XRCC4: variants seen among roughly 807,000 people sequenced by gnomAD.
The protein encoded by XRCC4 is X-ray repair cross complementing 4.
Under a neutral mutation model 39.1 loss-of-function variants are expected in XRCC4, and 28 were observed. The ratio of observed to expected loss-of-function variants is 0.72; its 90% CI spans 0.53 to 0.98. XRCC4 has a LOEUF of 0.98. XRCC4 is among the 50% of genes least tolerant of loss of function. The pLI is 0.00. For missense variants in XRCC4, 350 were observed against 376.4 expected, an observed-to-expected ratio of 0.93 and a Z score of 0.58; for synonymous variants, 123 against 126.4, an observed-to-expected ratio of 0.97 and a Z score of 0.18.
the XRCC4 span, among the ~76,000 whole-genome samples, chr5:83,364,423 C>A: frequency 6.6e-6 from 1 of 151,962 alleles, no homozygotes; most frequent in Non-Finnish European, 1.5e-5. Context: ...AATAACTGAA[C>A]TTTATAAGAA....
At chr5:83,133,175 G>C (rs1198876345) in intron 3 of XRCC4, among the ~76,000 whole-genome samples, 1 of 151,750 alleles carries the variant, frequency 6.6e-6, no homozygotes, top group African/African-American at 2.4e-5. Flanking sequence ...GTTTGCCTGG[G>C]TATGACCATC....
chr5:83,320,382 T>A (rs1475517699), intron 7 of XRCC4, among the ~76,000 whole-genome samples: 5 of 141,046 alleles, frequency 3.5e-5, no homozygotes, highest in African/African-American at 5.3e-5. Context: ...AAAAAAATAA[T>A]AAAAAAATAA....
At chr5:83,136,710 T>G (rs1747914894) in intron 3 of XRCC4, among the ~76,000 whole-genome samples, 1 of 152,206 alleles carries the variant, frequency 6.6e-6, no homozygotes, top group African/African-American at 2.4e-5. Context: ...AAAAAAATTT[T>G]AAGATTGATT....
chr5:83,159,349 T>C lies in XRCC4; in HGVS notation c.316-36421T>C, dbSNP rs571168073. ...GGTTGATGGAGAACATAAGAAAGTT[T>C]GGGGGCAATGGGAATGTTTGACCCA... On this transcript the variant is annotated intron_variant, in intron 3 of 7. Coordinates refer to ENST00000396027, the MANE Select transcript of XRCC4 (RefSeq NM_003401.5). Among the ~76,000 whole-genome samples the C allele has an allele frequency of 2.0e-5, 3 of 152,238 alleles. No homozygotes were observed. In the East Asian group the frequency reaches 5.8e-4, roughly 29 times the overall value.
At chr5:83,171,389 C>A (rs1003533655) in intron 3 of XRCC4, among the ~76,000 whole-genome samples, 1 of 151,902 alleles carries the variant, frequency 6.6e-6, no homozygotes, top group African/African-American at 2.4e-5. Context: ...TATCAGAGGA[C>A]AAAATATAGT....
At position 83,218,861 on chromosome 5, in the gene XRCC4, T is replaced by C. The variant is rs79059961; in HGVS notation, c.745+13940T>C. On this transcript the variant is annotated intron_variant, in intron 6 of 7. Transcript: ENST00000396027. ...AACTCTTTGGATTTATGTGTAAAAT[T>C]TTCTATGTTTATCTGTCTATATATC... Among the ~76,000 whole-genome samples the C allele has an allele frequency of 4.7e-3, 715 of 152,282 alleles. 1 individual carries two copies. The highest frequency in any genetic ancestry group is 0.012 in the Admixed American group (191 of 15,292).
chr5:83,149,062 T>C (rs2112546350), intron 3 of XRCC4, among the ~76,000 whole-genome samples: 1 of 152,300 alleles, frequency 6.6e-6, no homozygotes, highest in East Asian at 1.9e-4. Flanking sequence ...TACTGAAACA[T>C]AGTGCATTTT....
At chr5:83,124,594 G>T (rs1747170086) in intron 3 of XRCC4, among the ~76,000 whole-genome samples, 1 of 152,124 alleles carries the variant, frequency 6.6e-6, no homozygotes, top group Admixed American at 6.6e-5. Context: ...GGACATTCAT[G>T]TACAGGTTTC....
chr5:83,194,377 T>C (rs1219890038), intron 3 of XRCC4, among the ~76,000 whole-genome samples: 1 of 152,246 alleles, frequency 6.6e-6, no homozygotes, highest in Non-Finnish European at 1.5e-5. Context: ...CTTATATGCC[T>C]GTTAAGTGGA....
the XRCC4 span, among the ~76,000 whole-genome samples, chr5:83,363,159 G>A: frequency 2.0e-5 from 3 of 152,272 alleles, no homozygotes; most frequent in African/African-American, 7.2e-5. Context: ...AAGCGGCCAT[G>A]CCCAAGGAAA....
At chr5:83,222,212 C>A (rs1430628660) in intron 6 of XRCC4, among the ~76,000 whole-genome samples, 3 of 151,760 alleles carry the variant, frequency 2.0e-5, no homozygotes, top group African/African-American at 7.3e-5. Context: ...TACTAAGATT[C>A]TATTTGTTCT....
chr5:83,358,544 C>G (rs1224144981), downstream of XRCC4, among the ~76,000 whole-genome samples: 2 of 152,112 alleles, frequency 1.3e-5, no homozygotes, highest in African/African-American at 4.8e-5. Context: ...CCTAAAGGCT[C>G]TTGGTTCTGC....
At chr5:83,216,007 A>G (rs1275779811) in intron 6 of XRCC4, among the ~76,000 whole-genome samples, 2 of 152,222 alleles carry the variant, frequency 1.3e-5, no homozygotes, top group Non-Finnish European at 2.9e-5. Flanking sequence ...AAAAGGTATC[A>G]TTAAGAACAT....
At chr5:83,127,529 C>T (rs577247454) in intron 3 of XRCC4, among the ~76,000 whole-genome samples, 2 of 152,018 alleles carry the variant, frequency 1.3e-5, no homozygotes, top group Admixed American at 1.3e-4. Context: ...CTACGTGGAG[C>T]TGTGAGTCCA....
At chr5:83,291,092 A>G (rs1413986682) in intron 7 of XRCC4, among the ~76,000 whole-genome samples, 1 of 151,894 alleles carries the variant, frequency 6.6e-6, no homozygotes, top group African/African-American at 2.4e-5. Flanking sequence ...ATATTTGTGT[A>G]TCTTTTTTTT....
At chr5:83,150,532 T>C (rs933685065) in intron 3 of XRCC4, among the ~76,000 whole-genome samples, 8 of 152,148 alleles carry the variant, frequency 5.3e-5, no homozygotes, top group Non-Finnish European at 8.8e-5. Context: ...TGCTGAAAGA[T>C]GAAGTGATGC....
chr5:83,152,447 A>G (rs1748749179), intron 3 of XRCC4, among the ~76,000 whole-genome samples: 1 of 152,138 alleles, frequency 6.6e-6, no homozygotes, highest in Non-Finnish European at 1.5e-5. Flanking sequence ...AGCCTGACCA[A>G]CATGGTGAAA....
At chr5:83,262,590 G>C (rs1008400339) in intron 7 of XRCC4, among the ~76,000 whole-genome samples, 1 of 151,918 alleles carries the variant, frequency 6.6e-6, no homozygotes, top group Non-Finnish European at 1.5e-5. Context: ...AAGGAATACA[G>C]ATATAAAATA....
intron 7 of XRCC4, among the ~76,000 whole-genome samples, chr5:83,286,169 C>T (rs1030891986): frequency 7.9e-5 from 12 of 152,038 alleles, no homozygotes; most frequent in Non-Finnish European, 1.6e-4. Flanking sequence ...GGTCTGTCTG[C>T]GTGAATTTCA....
Sources: gnomAD v4.1 joint callset for allele counts (sites outside exome capture counted in the v4.1 genomes callset) on GRCh38, gnomAD v4.1.1 for gene constraint, MANE v1.5 for transcripts, NCBI Gene and HGNC (gene_info 2026-07-23, HGNC 2026-07-21) for gene names.